DLGAP1: variants seen among roughly 807,000 people sequenced by gnomAD.
The protein encoded by DLGAP1 is DLG associated protein 1.
In DLGAP1, 11 loss-of-function variants were observed where a neutral mutation model predicts 90.8. The ratio of observed to expected loss-of-function variants is 0.12; its 90% CI spans 0.08 to 0.20. The LOEUF is 0.20. Among genes scored for constraint, DLGAP1 ranks in the 10% least tolerant of loss-of-function variants. The pLI, the probability that DLGAP1 is intolerant of heterozygous loss-of-function variation, is 1.00. For missense variants in DLGAP1, 1,050 were observed against 1,333.8 expected, an observed-to-expected ratio of 0.79 and a Z score of 3.31; for synonymous variants, 558 against 540.7, an observed-to-expected ratio of 1.03 and a Z score of -0.44.
intron 7 of DLGAP1, chr18:3,728,079 T>C (rs1431319279): frequency 6.6e-6 from 1 of 152,178 alleles, no homozygotes; most frequent in Non-Finnish European, 1.5e-5. Context: ...GCGGAAGTTC[T>C]AGACTGAATG....
chr18:3,917,518 T>C (rs1380045396), intron 3 of DLGAP1, among the ~76,000 whole-genome samples: 1 of 152,164 alleles, frequency 6.6e-6, no homozygotes, highest in Non-Finnish European at 1.5e-5. Flanking sequence ...GTATATGTTA[T>C]ATAATATTTG....
At chr18:3,602,021 A>G (rs8091050) in intron 7 of DLGAP1, among the ~76,000 whole-genome samples, 13,342 of 151,766 alleles carry the variant, frequency 0.088, 1,568 homozygotes, top group African/African-American at 0.27. Flanking sequence ...ATGAATGAAT[A>G]AATAAATAAA....
intron 7 of DLGAP1, among the ~76,000 whole-genome samples, chr18:3,628,860 T>C (rs1268104521): frequency 6.6e-6 from 1 of 152,192 alleles, no homozygotes; most frequent in Non-Finnish European, 1.5e-5. Flanking sequence ...TTTCATTGCA[T>C]GGAAATAAAC....
In DLGAP1 at chr18:3,497,791, T is replaced by A. The variant is rs183640358; in HGVS notation, c.*1394A>T. Reference sequence around the variant, plus strand: ...TGCCCATCAATCAAGACTAAAAATCTAAATCAACACTCTCTGCCAAAAGCC... The same window carrying A: ...TGCCCATCAATCAAGACTAAAAATCAAAATCAACACTCTCTGCCAAAAGCC... On this transcript the variant is annotated 3_prime_UTR_variant, in exon 13 of 13. Coordinates refer to ENST00000315677, the MANE Select transcript of DLGAP1 (RefSeq NM_004746.4). The A allele has an allele frequency of 5.3e-4, 80 of 152,338 alleles. No homozygotes were observed. The highest frequency in any genetic ancestry group is 4.1e-3 in the Admixed American group (62 of 15,304). The allele number at this position is 152,338 out of a possible 1,614,324, so 9.4% of individuals were successfully genotyped here.
chr18:3,773,879 C>T (rs1000623432), intron 5 of DLGAP1, among the ~76,000 whole-genome samples: 10 of 152,116 alleles, frequency 6.6e-5, no homozygotes, highest in African/African-American at 2.4e-4. Flanking sequence ...TAGAAGTATT[C>T]AATTGCCAAG....
At chr18:3,764,800 T>G (rs183242975) in intron 5 of DLGAP1, among the ~76,000 whole-genome samples, 1 of 152,340 alleles carries the variant, frequency 6.6e-6, no homozygotes, top group East Asian at 1.9e-4. Context: ...TTCCTTCAGA[T>G]GGAAACAAAA....
chr18:3,747,107 T>G (rs1732694867), intron 5 of DLGAP1, among the ~76,000 whole-genome samples: 1 of 152,158 alleles, frequency 6.6e-6, no homozygotes, highest in African/African-American at 2.4e-5. Context: ...CCTGTAATCC[T>G]AGCACTTTGG....
intron 1 of DLGAP1, among the ~76,000 whole-genome samples, chr18:4,394,662 T>C (rs899777406): frequency 2.6e-5 from 4 of 152,224 alleles, no homozygotes; most frequent in Non-Finnish European, 5.9e-5. Context: ...AAATATATCT[T>C]CTTTGTAATA....
rs149263643 is a variant in DLGAP1, at chr18:4,312,451, C to A, written c.-267+142555G>T. Among the ~76,000 whole-genome samples, 808 of 152,234 alleles carry A rather than the reference C, an allele frequency of 5.3e-3. 9 individuals carry two copies. The highest frequency in any genetic ancestry group is 0.018 in the African/African-American group (735 of 41,544). On this transcript the variant is annotated intron_variant, in intron 1 of 12. Coordinates refer to ENST00000315677, the MANE Select transcript of DLGAP1 (RefSeq NM_004746.4). Reference sequence around the variant, plus strand: ...CAATTTTATGATGAGTTTATCAGGGCAGAACCCCACCATAAGTGGAAGAGC... The same window carrying A: ...CAATTTTATGATGAGTTTATCAGGGAAGAACCCCACCATAAGTGGAAGAGC...
chr18:3,953,775 A>G (rs577933902), intron 3 of DLGAP1, among the ~76,000 whole-genome samples: 1 of 152,284 alleles, frequency 6.6e-6, no homozygotes, highest in African/African-American at 2.4e-5. Flanking sequence ...AGTGTTTTTA[A>G]ATGGAAATAT....
chr18:3,679,454 G>A (rs1454566592), intron 7 of DLGAP1, among the ~76,000 whole-genome samples: 1 of 151,608 alleles, frequency 6.6e-6, no homozygotes, highest in East Asian at 1.9e-4. Flanking sequence ...GTGTAGCCGC[G>A]CCAAGAATGA....
In DLGAP1 at chr18:4,282,864, T is replaced by C. The variant is rs118117019; in HGVS notation, c.-266-131577A>G. Among the ~76,000 whole-genome samples, 654 of 152,316 alleles carry C rather than the reference T, an allele frequency of 4.3e-3. 4 individuals carry two copies. The highest frequency in any genetic ancestry group is 7.4e-3 in the Non-Finnish European group (504 of 68,032). ...TCATAGCAAATAATTCCAGGAAATA[T>C]GTCATAAATTAGCAGACACTGTAAT... On this transcript the variant is annotated intron_variant, in intron 1 of 12. Transcript: ENST00000315677.
chr18:3,676,821 G>A (rs1244293377), intron 7 of DLGAP1, among the ~76,000 whole-genome samples: 1 of 151,900 alleles, frequency 6.6e-6, no homozygotes, highest in African/African-American at 2.4e-5. Context: ...AAATTCAACA[G>A]GGTAGTCACT....
At chr18:3,863,472 A>G (rs2148753559) in intron 4 of DLGAP1, among the ~76,000 whole-genome samples, 1 of 152,308 alleles carries the variant, frequency 6.6e-6, no homozygotes, top group Admixed American at 6.5e-5. Flanking sequence ...TTTGGTAATA[A>G]ACCCGTTCAT....
rs548261403 is a variant in DLGAP1, at chr18:4,205,229, G to A, written c.-266-53942C>T. Among the ~76,000 whole-genome samples the A allele has an allele frequency of 7.9e-5, 12 of 152,214 alleles. No individual in the cohort carries two copies. In the South Asian group the frequency reaches 2.5e-3, roughly 32 times the overall value. On this transcript the variant is annotated intron_variant, in intron 1 of 12. Transcript: ENST00000315677. Reference sequence around the variant, plus strand: ...CGGGAGGTTAAGAGGAGAAAGAGTAGTATCAGAAAAAACCACATACAAACC... The same window carrying A: ...CGGGAGGTTAAGAGGAGAAAGAGTAATATCAGAAAAAACCACATACAAACC...
chr18:4,244,581 A>G (rs746675777), intron 1 of DLGAP1, among the ~76,000 whole-genome samples: 26 of 152,196 alleles, frequency 1.7e-4, no homozygotes, highest in Admixed American at 1.2e-3. Flanking sequence ...CAATGAAAAT[A>G]AAATAAATAC....
chr18:3,772,332 T>TTC (rs10532577), intron 5 of DLGAP1, among the ~76,000 whole-genome samples: 2 of 93,976 alleles, frequency 2.1e-5, no homozygotes, highest in Admixed American at 1.1e-4. Flanking sequence ...CTTTCTCTCC[T>TTC]TCTCTCTCTC....
intron 3 of DLGAP1, among the ~76,000 whole-genome samples, chr18:3,938,769 T>C (rs1218053425): frequency 6.6e-6 from 1 of 151,948 alleles, no homozygotes; most frequent in Non-Finnish European, 1.5e-5. Flanking sequence ...TGGGCCATGG[T>C]GGGGACTTCA....
chr18:3,706,303 T>C (rs116128572), intron 7 of DLGAP1, among the ~76,000 whole-genome samples: 2,141 of 152,202 alleles, frequency 0.014, 55 homozygotes, highest in African/African-American at 0.047. Flanking sequence ...TGGCAAATGG[T>C]GCATTTTTCA....
Sources: gnomAD v4.1 joint callset for allele counts (sites outside exome capture counted in the v4.1 genomes callset) on GRCh38, gnomAD v4.1.1 for gene constraint, MANE v1.5 for transcripts, NCBI Gene and HGNC (gene_info 2026-07-23, HGNC 2026-07-21) for gene names.